SLK: variants seen among roughly 807,000 people sequenced by gnomAD.
SLK encodes STE20 like kinase.
In SLK, 67 loss-of-function variants were observed where a neutral mutation model predicts 147.7. The observed-to-expected ratio is 0.45, with a 90% CI of 0.37 to 0.56. The LOEUF is 0.56. SLK is among the 20% of genes least tolerant of loss of function. The pLI, the probability that SLK is intolerant of heterozygous loss-of-function variation, is 0.00. For synonymous variants in SLK, 441 were observed against 475.0 expected (o/e 0.93, Z 0.93); for missense variants, 1,136 against 1,438.8 (o/e 0.79, Z 3.41).
intron 1 of SLK, among the ~76,000 whole-genome samples, chr10:103,983,268 A>G (rs1443898826): frequency 6.6e-6 from 1 of 152,224 alleles, no homozygotes; most frequent in Admixed American, 6.5e-5. Flanking sequence ...TTTGCATGTA[A>G]TTTAAAACAG....
intron 18 of SLK, among the ~76,000 whole-genome samples, chr10:104,024,564 C>G (rs1324744437): frequency 1.3e-5 from 2 of 152,208 alleles, no homozygotes; most frequent in Non-Finnish European, 2.9e-5. Context: ...TGTTTCGGCT[C>G]TGTTTCTGGC....
intron 1 of SLK, among the ~76,000 whole-genome samples, chr10:103,975,917 T>TTAG (rs1017298664): frequency 6.6e-6 from 1 of 151,936 alleles, no homozygotes; most frequent in African/African-American, 2.4e-5. Context: ...TTTATTTGTT[T>TTAG]TATTATTATT....
intron 1 of SLK, among the ~76,000 whole-genome samples, chr10:103,980,756 T>C (rs1325663712): frequency 6.6e-6 from 1 of 152,200 alleles, no homozygotes; most frequent in Non-Finnish European, 1.5e-5. Flanking sequence ...ATTGCTTGCA[T>C]GTTTTAGCTG....
At chr10:104,006,512 A>G (rs867072425) in intron 11 of SLK, among the ~76,000 whole-genome samples, 1 of 152,096 alleles carries the variant, frequency 6.6e-6, no homozygotes, top group African/African-American at 2.4e-5. Flanking sequence ...CCACATCTCT[A>G]TTTCCTGCTG....
intron 17 of SLK, 105 bp downstream of exon 17, chr10:104,020,718 C>A: frequency 8.0e-7 from 1 of 1,254,648 alleles, no homozygotes; most frequent in Non-Finnish European, 1.1e-6. Context: ...CATACACGAA[C>A]ATGCTGGGTT....
At position 104,010,925 on chromosome 10, in the gene SLK, A is replaced by G. The variant is rs1844391874; in HGVS notation, c.2877+17A>G. 1.3e-6 allele frequency: 2 copies of G among 1,513,822 alleles called. No homozygotes were observed. 93.8% of individuals were successfully genotyped at this position (1,513,822 alleles called of 1,614,324 possible). A position where few individuals can be genotyped will look rare whatever the true frequency, so the allele number is the denominator to read the frequency against. ...CATGCTCAGGTAACAGCAGCAGCTT[A>G]ATGCTACTAAAACCAGAAAGCACCA... On this transcript the variant is annotated intron_variant, in intron 13 of 18. Coordinates refer to ENST00000369755, the MANE Select transcript of SLK (RefSeq NM_014720.4).
intron 2 of SLK, among the ~76,000 whole-genome samples, chr10:103,992,215 TA>T (rs1396377129): frequency 6.7e-6 from 1 of 148,176 alleles, no homozygotes; most frequent in Non-Finnish European, 1.5e-5. Flanking sequence ...TAATACAGTT[TA>T]AAAAAACAAA....
chr10:104,025,434 T>C (rs764921603), intron 18 of SLK, 140 bp from the exon 19 acceptor site: 5 of 749,614 alleles, frequency 6.7e-6, no homozygotes, highest in African/African-American at 1.8e-5. Flanking sequence ...CTTATGATCT[T>C]AAAAAATTGA....
chr10:104,002,712 A>G lies in SLK; in HGVS notation c.1534A>G (p.Asn512Asp), dbSNP rs761081685. The part of the protein sequence containing the change: ...VSQETGEKEA[N>D]IQAVDSEVGL... ...TCAAGAGACTGGAGAAAAAGAGGCA[A>G]ATATTCAGGCAGTTGATAGTGAAGT... Residue 512 changes from asparagine (N) to aspartate (D), a missense_variant, in exon 9 of 19, where the codon AAT becomes GAT. Physicochemically the swap from Asn to Asp is conservative, Grantham distance 23 (BLOSUM62 1). Transcript: ENST00000369755. The G allele has an allele frequency of 6.2e-7, 1 of 1,612,652 alleles. No homozygotes were observed. Among genetic ancestry groups the G allele is most frequent in the East Asian group, 2.2e-5 (1 of 44,878 alleles).
At position 103,967,605 on chromosome 10, in the gene SLK, C is replaced by T. The variant is rs1473828926; in HGVS notation, c.-141C>T. The T allele has an allele frequency of 2.5e-6, 1 of 397,734 alleles. No homozygotes were observed. Among genetic ancestry groups the T allele is most frequent in the Non-Finnish European group, 3.6e-6 (1 of 277,032 alleles). The allele number at this position is 397,734 out of a possible 1,614,324, so 24.6% of individuals were successfully genotyped here. The stretch of plus-strand genomic sequence containing the variant: ...TCGCCGCCCCGCCTTCTCCCGGGAC[C>T]GCCCGGCCGGAGCTGCGGGGGCCGA... On this transcript the variant is annotated 5_prime_UTR_variant, in exon 1 of 19. Transcript: ENST00000369755.
intron 13 of SLK, among the ~76,000 whole-genome samples, chr10:104,014,264 C>G (rs1844434418): frequency 6.6e-6 from 1 of 152,186 alleles, no homozygotes; most frequent in Non-Finnish European, 1.5e-5. Flanking sequence ...TTCCGTTTAA[C>G]TCTATTTTCC....
chr10:103,998,699 A>T (rs1306737747), intron 4 of SLK, among the ~76,000 whole-genome samples, 200 bp from the exon 5 acceptor site: 3 of 152,132 alleles, frequency 2.0e-5, no homozygotes, highest in African/African-American at 4.8e-5. Context: ...TGATAATGGG[A>T]TCTTTAGCAG....
intron 1 of SLK, among the ~76,000 whole-genome samples, chr10:103,976,527 T>C (rs1843873158): frequency 6.6e-6 from 1 of 152,084 alleles, no homozygotes; most frequent in Non-Finnish European, 1.5e-5. Flanking sequence ...CCTTTTTATG[T>C]GCTTATTCAA....
At chr10:104,012,647 T>C (rs1284339243) in intron 13 of SLK, among the ~76,000 whole-genome samples, 1 of 152,184 alleles carries the variant, frequency 6.6e-6, no homozygotes, top group African/African-American at 2.4e-5. Context: ...AGGATTCTCA[T>C]CCAGATAAGT....
At chr10:103,968,607 T>A (rs1589521647) in intron 1 of SLK, among the ~76,000 whole-genome samples, 1 of 152,230 alleles carries the variant, frequency 6.6e-6, no homozygotes, top group Non-Finnish European at 1.5e-5. Context: ...CTATTTAATA[T>A]CTCCTAAGGA....
chr10:103,967,944 T>TCCA, intron 1 of SLK, 49 bp downstream of exon 1: 1 of 1,592,976 alleles, frequency 6.3e-7, no homozygotes, highest in Non-Finnish European at 8.6e-7. Context: ...AAACAGCCAC[T>TCCA]GGCCTGGAGT....
intron 7 of SLK, 114 bp from the exon 8 acceptor site, chr10:104,001,330 T>A (rs1844245086): frequency 1.2e-6 from 1 of 825,466 alleles, no homozygotes; most frequent in Non-Finnish European, 1.9e-6. Context: ...TTTCTGTCAT[T>A]TTCCTGCCCA....
rs935252449 is a variant in SLK at position 103,967,236 on chromosome 10, G to A, written c.-510G>A. 6.6e-6 allele frequency: 1 copy of A among 151,736 alleles called. No individual in the cohort carries two copies. Among genetic ancestry groups the A allele is most frequent in the East Asian group, 1.9e-4 (1 of 5,202 alleles). 9.4% of individuals were successfully genotyped at this position (151,736 alleles called of 1,614,324 possible). A position where few individuals can be genotyped will look rare whatever the true frequency, so the allele number is the denominator to read the frequency against. On this transcript the variant is annotated 5_prime_UTR_variant, in exon 1 of 19. Coordinates refer to ENST00000369755, the MANE Select transcript of SLK (RefSeq NM_014720.4). Reference sequence around the variant, plus strand: ...CGCCCCAGACCCGAGGGGACGCGCGGGCCTTGCGCCGCGGGAGCGGACGGC... The same window carrying A: ...CGCCCCAGACCCGAGGGGACGCGCGAGCCTTGCGCCGCGGGAGCGGACGGC...
chr10:104,019,681 T>G, intron 15 of SLK, 53 bp from the exon 16 acceptor site: 1 of 1,314,096 alleles, frequency 7.6e-7, no homozygotes, highest in Non-Finnish European at 1.1e-6. Context: ...AATATGCATG[T>G]GGGTACTGAC....
Sources: allele counts gnomAD v4.1 joint callset (sites outside exome capture counted in the v4.1 genomes callset), GRCh38; gene constraint gnomAD v4.1.1; transcripts MANE v1.5; gene names NCBI Gene and HGNC (gene_info 2026-07-23, HGNC 2026-07-21).